CLVS1: variants seen among roughly 807,000 people sequenced by gnomAD.
The protein encoded by CLVS1 is clavesin 1.
CLVS1 carries 10 observed loss-of-function variants against 33.1 expected under a neutral mutation model. The ratio of observed to expected loss-of-function variants is 0.30; its 90% confidence interval spans 0.19 to 0.51. The LOEUF (loss-of-function observed/expected upper bound fraction) is 0.51, where lower values mean the gene tolerates loss of function less well. Ranked by LOEUF, CLVS1 falls within the 20% of genes least tolerant of loss-of-function variation. CLVS1 has a pLI of 0.97. For synonymous variants in CLVS1, 163 were observed against 166.1 expected (o/e 0.98, Z 0.14); for missense variants, 343 against 433.4 (o/e 0.79, Z 1.85).
At chr8:61,093,535 G>A (rs1225191497) in intron 1 of CLVS1, among the ~76,000 whole-genome samples, 1 of 152,172 alleles carries the variant, frequency 6.6e-6, no homozygotes, top group Admixed American at 6.5e-5. Context: ...GAAATTTACA[G>A]CAAATGGGAT....
At chr8:61,446,306 C>T (rs764631929) in intron 3 of CLVS1, among the ~76,000 whole-genome samples, 1 of 152,236 alleles carries the variant, frequency 6.6e-6, no homozygotes, top group Middle Eastern at 3.4e-3. Flanking sequence ...CTACAAATTT[C>T]CCTGTCAACA....
At chr8:61,204,775 ACTTAGTGTAATT>A (rs531873687) in intron 2 of CLVS1, among the ~76,000 whole-genome samples, 82 of 152,348 alleles carry the variant, frequency 5.4e-4, no homozygotes, top group Non-Finnish European at 9.7e-4. Flanking sequence ...CACCAACAGT[ACTTAGTGTAATT>A]CCTTTGCTTT....
intron 1 of CLVS1, among the ~76,000 whole-genome samples, chr8:61,084,209 T>C (rs1805077191): frequency 6.6e-6 from 1 of 152,164 alleles, no homozygotes; most frequent in South Asian, 2.1e-4. Context: ...TTTGTTCTGG[T>C]TTTCCTATTA....
chr8:61,471,454 A>C (rs751241777), intron 5 of CLVS1, among the ~76,000 whole-genome samples: 5 of 152,232 alleles, frequency 3.3e-5, no homozygotes, highest in Non-Finnish European at 7.3e-5. Context: ...ATGATTATGC[A>C]TGGTGGCTTG....
chr8:61,478,603 G>C (rs1419768482), intron 5 of CLVS1, among the ~76,000 whole-genome samples: 1 of 152,032 alleles, frequency 6.6e-6, no homozygotes. Context: ...ATCTTTGTTG[G>C]TTTAAAGTCT....
At chr8:61,044,796 G>C in the CLVS1 span, among the ~76,000 whole-genome samples, 1,214 of 152,312 alleles carry the variant, frequency 8.0e-3, 10 homozygotes, top group Non-Finnish European at 9.7e-3. Flanking sequence ...AGAGGATTAG[G>C]TAAGAATATG....
chr8:61,217,007 C>T (rs1310581551), intron 2 of CLVS1, among the ~76,000 whole-genome samples: 1 of 152,140 alleles, frequency 6.6e-6, no homozygotes, highest in Non-Finnish European at 1.5e-5. Flanking sequence ...GCTCATCACT[C>T]ATCTAGGTCT....
At chr8:61,284,482 C>T (rs1428035290), upstream of CLVS1, among the ~76,000 whole-genome samples, 1 of 151,972 alleles carries the variant, frequency 6.6e-6, no homozygotes, top group East Asian at 1.9e-4. Context: ...CATATTGTAC[C>T]CCATAAATGT....
intron 2 of CLVS1, among the ~76,000 whole-genome samples, chr8:61,349,947 T>C (rs1031829586): frequency 3.3e-5 from 5 of 152,140 alleles, no homozygotes; most frequent in Non-Finnish European, 7.4e-5. Flanking sequence ...ATGCTGTCTT[T>C]GCCATGTAAG....
intron 1 of CLVS1, among the ~76,000 whole-genome samples, chr8:61,060,341 A>G (rs1804561473): frequency 6.6e-6 from 1 of 152,168 alleles, no homozygotes; most frequent in African/African-American, 2.4e-5. Flanking sequence ...AAAGAGGAAT[A>G]AAACCCAACC....
At chr8:61,049,808 A>G in the CLVS1 span, among the ~76,000 whole-genome samples, 1 of 152,268 alleles carries the variant, frequency 6.6e-6, no homozygotes, top group Non-Finnish European at 1.5e-5. Context: ...CTTTGGGGCC[A>G]CATTCCATAA....
intron 5 of CLVS1, among the ~76,000 whole-genome samples, chr8:61,462,362 T>C (rs887929355): frequency 1.3e-5 from 2 of 152,130 alleles, no homozygotes; most frequent in Non-Finnish European, 2.9e-5. Flanking sequence ...TTATGAAATG[T>C]TTTTGTTTGT....
intron 3 of CLVS1, among the ~76,000 whole-genome samples, chr8:61,430,890 G>A (rs1451830026): frequency 6.6e-6 from 1 of 152,138 alleles, no homozygotes; most frequent in Non-Finnish European, 1.5e-5. Context: ...CAAGAAATCA[G>A]TGGGCTTCTC....
At chr8:61,450,670 C>A (rs147430212) in intron 3 of CLVS1, among the ~76,000 whole-genome samples, 3 of 152,036 alleles carry the variant, frequency 2.0e-5, no homozygotes, top group Non-Finnish European at 2.9e-5. Flanking sequence ...TCCCCACTGC[C>A]CTGAAGACTC....
chr8:61,448,276 T>A (rs890868090), intron 3 of CLVS1, among the ~76,000 whole-genome samples: 1 of 152,092 alleles, frequency 6.6e-6, no homozygotes, highest in Non-Finnish European at 1.5e-5. Context: ...AATCTGTAGG[T>A]TTATGTTTCT....
intron 2 of CLVS1, among the ~76,000 whole-genome samples, chr8:61,200,040 G>T (rs1396643385): frequency 2.6e-5 from 4 of 152,188 alleles, no homozygotes; most frequent in East Asian, 3.9e-4. Context: ...ATAAACACTC[G>T]GGAGTTAATA....
At chr8:61,463,098 T>C (rs1473592712) in intron 5 of CLVS1, among the ~76,000 whole-genome samples, 2 of 152,240 alleles carry the variant, frequency 1.3e-5, no homozygotes, top group East Asian at 3.8e-4. Context: ...TGCTTTACTT[T>C]GCACTTTTAT....
At chr8:61,239,754 T>G (rs1395330560) in intron 2 of CLVS1, among the ~76,000 whole-genome samples, 1 of 152,190 alleles carries the variant, frequency 6.6e-6, no homozygotes, top group Non-Finnish European at 1.5e-5. Flanking sequence ...AATTATTTTT[T>G]CAATACAAAA....
chr8:61,199,090 G>A (rs1807674814), intron 2 of CLVS1, among the ~76,000 whole-genome samples: 1 of 152,118 alleles, frequency 6.6e-6, no homozygotes, highest in Admixed American at 6.5e-5. Context: ...ACTCCGTAGT[G>A]GGATTGCTGG....
Sources: allele counts gnomAD v4.1 joint callset (sites outside exome capture counted in the v4.1 genomes callset), GRCh38; gene constraint gnomAD v4.1.1; transcripts MANE v1.5; gene names NCBI Gene and HGNC (gene_info 2026-07-23, HGNC 2026-07-21).